CDC14B: variants seen among roughly 807,000 people sequenced by gnomAD.
CDC14B encodes dual specificity protein phosphatase CDC14B.
A neutral mutation model predicts 64.2 loss-of-function variants in CDC14B; 22 were observed. That is an observed-to-expected ratio of 0.34 (90% confidence interval 0.24 to 0.49). CDC14B has a LOEUF of 0.49. CDC14B is among the 20% of genes least tolerant of loss of function. CDC14B has a pLI of 0.99. For synonymous variants in CDC14B, 191 were observed against 215.8 expected (o/e 0.89, Z 1.01); for missense variants, 498 against 629.9 (o/e 0.79, Z 2.24).
chr9:96,565,314 C>T, intron 2 of CDC14B, 79 bp downstream of exon 2: 2 of 825,596 alleles, frequency 2.4e-6, no homozygotes, highest in Non-Finnish European at 4.0e-6. Flanking sequence ...TATAATTTTC[C>T]CAGGCCATCC....
intron 13 of CDC14B, among the ~76,000 whole-genome samples, chr9:96,504,146 T>C (rs757869146): frequency 4.6e-5 from 7 of 152,288 alleles, no homozygotes; most frequent in Admixed American, 2.6e-4. Context: ...TGTCCTTCCT[T>C]TCCTCTGAGG....
At chr9:96,578,436 AACACTAT>A (rs1402388827) in intron 1 of CDC14B, among the ~76,000 whole-genome samples, 2 of 152,216 alleles carry the variant, frequency 1.3e-5, no homozygotes, top group Non-Finnish European at 2.9e-5. Flanking sequence ...AAACTTAGCA[AACACTAT>A]TTTAACCAAA....
intron 5 of CDC14B, among the ~76,000 whole-genome samples, chr9:96,549,524 G>T (rs1163141860): frequency 6.6e-6 from 1 of 152,030 alleles, no homozygotes; most frequent in Non-Finnish European, 1.5e-5. Flanking sequence ...AATTAGCCAG[G>T]CGTGGTGGCA....
intron 1 of CDC14B, among the ~76,000 whole-genome samples, chr9:96,591,949 G>C (rs1259629999): frequency 6.6e-6 from 1 of 152,116 alleles, no homozygotes; most frequent in Admixed American, 6.5e-5. Context: ...GTTTCACCGT[G>C]TTAGCCAGGA....
intron 1 of CDC14B, among the ~76,000 whole-genome samples, chr9:96,606,567 G>A (rs949117046): frequency 4.7e-5 from 7 of 147,748 alleles, no homozygotes; most frequent in Non-Finnish European, 1.0e-4. Context: ...GTGTGTGTGT[G>A]TGTGTGTGTG....
At chr9:96,559,523 T>C (rs961883873) in intron 4 of CDC14B, among the ~76,000 whole-genome samples, 3 of 152,230 alleles carry the variant, frequency 2.0e-5, no homozygotes, top group Non-Finnish European at 4.4e-5. Context: ...TTTAACCAGA[T>C]CAAAGCTTCA....
exon 14 of CDC14B, chr9:96,492,161 C>T (rs1833108400): frequency 6.6e-6 from 1 of 152,362 alleles, no homozygotes; most frequent in Non-Finnish European, 1.5e-5. Context: ...GACTTAGACT[C>T]AAGCAGATTA....
intron 5 of CDC14B, among the ~76,000 whole-genome samples, chr9:96,550,610 GTTA>G (rs1841658856): frequency 2.6e-5 from 4 of 152,220 alleles, no homozygotes; most frequent in South Asian, 2.1e-4. Flanking sequence ...ATAAGCAATA[GTTA>G]TTATTAATTT....
At chr9:96,554,930 G>A (rs1045530927) in intron 4 of CDC14B, among the ~76,000 whole-genome samples, 1 of 152,158 alleles carries the variant, frequency 6.6e-6, no homozygotes, top group Admixed American at 6.5e-5. Flanking sequence ...TGCAACTTAT[G>A]ATCTATCACC....
intron 6 of CDC14B, among the ~76,000 whole-genome samples, chr9:96,541,548 C>T (rs1237885026): frequency 2.0e-5 from 3 of 152,204 alleles, no homozygotes; most frequent in Admixed American, 1.3e-4. Context: ...ATACTCAAAA[C>T]CAATTCTGGA....
chr9:96,560,977 C>T (rs746664108), intron 4 of CDC14B, among the ~76,000 whole-genome samples: 9 of 152,108 alleles, frequency 5.9e-5, no homozygotes, highest in Non-Finnish European at 1.2e-4. Flanking sequence ...CTCACTGTCA[C>T]CCAGGCTGGA....
chr9:96,553,166 C>T (rs1418020995), intron 4 of CDC14B, among the ~76,000 whole-genome samples: 3 of 152,080 alleles, frequency 2.0e-5, no homozygotes, highest in Non-Finnish European at 4.4e-5. Context: ...GAAACTATCA[C>T]TGGACTAAGA....
chr9:96,598,648 A>G (rs1247920356), intron 1 of CDC14B, among the ~76,000 whole-genome samples: 1 of 152,138 alleles, frequency 6.6e-6, no homozygotes, highest in African/African-American at 2.4e-5. Flanking sequence ...TTGTGAAGTC[A>G]TTAAAAAAAA....
intron 1 of CDC14B, among the ~76,000 whole-genome samples, chr9:96,599,459 T>G (rs1190695390): frequency 6.6e-6 from 1 of 151,850 alleles, no homozygotes; most frequent in Non-Finnish European, 1.5e-5. Context: ...AATTATGACA[T>G]CATCAGTTGA....
chr9:96,567,532 G>T lies in CDC14B; in HGVS notation c.161-2049C>A, dbSNP rs369766821. 2.3e-3 allele frequency among the ~76,000 whole-genome samples: 350 copies of T among 152,354 alleles called. 4 individuals are homozygous for T. The highest frequency in any genetic ancestry group is 7.9e-3 in the African/African-American group (330 of 41,582). On this transcript the variant is annotated intron_variant, in intron 1 of 13. Coordinates refer to ENST00000375241, the MANE Select transcript of CDC14B (RefSeq NM_033331.4). ...CCTCAGAGAAAACGCTTTTAATTGT[G>T]CAAGATTTAAAGGCAACCCTCTGGT...
downstream of CDC14B, among the ~76,000 whole-genome samples, chr9:96,497,119 C>A (rs369750519): frequency 5.6e-4 from 85 of 152,352 alleles, no homozygotes; most frequent in African/African-American, 2.0e-3. Context: ...CGGTGGCCCT[C>A]CCACGCGGAG....
intron 1 of CDC14B, among the ~76,000 whole-genome samples, chr9:96,608,064 A>C (rs1847085222): frequency 6.6e-6 from 1 of 152,198 alleles, no homozygotes; most frequent in Non-Finnish European, 1.5e-5. Flanking sequence ...CTTCCATGCA[A>C]AACAGCTGGC....
At chr9:96,547,970 C>T (rs564681980) in intron 5 of CDC14B, among the ~76,000 whole-genome samples, 1 of 152,226 alleles carries the variant, frequency 6.6e-6, no homozygotes, top group Non-Finnish European at 1.5e-5. Flanking sequence ...GGACTATAGG[C>T]GCCCGCCACC....
rs543974711 is a variant in CDC14B, at chr9:96,565,660, A to G, written c.161-177T>C. 262 of 648,626 alleles carry G rather than the reference A, an allele frequency of 4.0e-4. 2 individuals carry two copies. In the South Asian group the frequency reaches 4.5e-3, roughly 11 times the overall value. The allele number at this position is 648,626 out of a possible 1,614,324, so 40.2% of individuals were successfully genotyped here. On this transcript the variant is annotated intron_variant, in intron 1 of 13. Transcript: ENST00000375241. Reference sequence around the variant, plus strand: ...CTGGCTATTTGGGTGGGAATAATCAATGAGCACATTTTTAAAAGAGAAACT... The same window carrying G: ...CTGGCTATTTGGGTGGGAATAATCAGTGAGCACATTTTTAAAAGAGAAACT...
Sources: gnomAD v4.1 joint callset for allele counts (sites outside exome capture counted in the v4.1 genomes callset) on GRCh38, gnomAD v4.1.1 for gene constraint, MANE v1.5 for transcripts, NCBI Gene and HGNC (gene_info 2026-07-23, HGNC 2026-07-21) for gene names.